Variants in SYT14 observed in about 807,000 individuals in gnomAD.
SYT14 encodes the protein synaptotagmin-14.
In SYT14, 32 loss-of-function variants were observed where a neutral mutation model predicts 74.2. The ratio of observed to expected loss-of-function variants is 0.43; its 90% CI spans 0.33 to 0.58. The LOEUF is 0.58. SYT14 is among the 20% of genes least tolerant of loss of function. The pLI is 0.05. For synonymous variants in SYT14, 298 were observed against 337.7 expected, an observed-to-expected ratio of 0.88 and a Z score of 1.29; for missense variants, 791 against 981.8, an observed-to-expected ratio of 0.81 and a Z score of 2.60.
At chr1:209,951,286 C>T (rs1572057117) in intron 1 of SYT14, among the ~76,000 whole-genome samples, 2 of 152,262 alleles carry the variant, frequency 1.3e-5, no homozygotes, top group South Asian at 2.1e-4. Flanking sequence ...CTGCCCCTCT[C>T]CATTCCCTTC....
chr1:209,967,675 T>C (rs2079176541), intron 2 of SYT14, among the ~76,000 whole-genome samples: 1 of 152,136 alleles, frequency 6.6e-6, no homozygotes, highest in African/African-American at 2.4e-5. Context: ...TTTCTGATAT[T>C]GATAATTTCT....
intron 1 of SYT14, 124 bp downstream of exon 1, chr1:209,938,401 A>C (rs2078669825): frequency 2.8e-4 from 248 of 899,196 alleles, no homozygotes; most frequent in Non-Finnish European, 3.3e-4. Flanking sequence ...CCGGCTGAAG[A>C]CGCGCGGGGG....
chr1:210,045,997 T>A (rs1237160685), intron 5 of SYT14, among the ~76,000 whole-genome samples: 1 of 152,228 alleles, frequency 6.6e-6, no homozygotes, highest in Non-Finnish European at 1.5e-5. Context: ...AATTACTTTA[T>A]CTTAATAATT....
intron 1 of SYT14, among the ~76,000 whole-genome samples, chr1:209,945,177 A>C (rs181718623): frequency 6.6e-6 from 1 of 152,150 alleles, no homozygotes. Context: ...ACAAGATGAA[A>C]GCTATTTTCT....
intron 5 of SYT14, among the ~76,000 whole-genome samples, chr1:210,076,625 G>C (rs566281568): frequency 1.3e-5 from 2 of 152,304 alleles, no homozygotes; most frequent in South Asian, 4.1e-4. Context: ...TCATGGTTCT[G>C]TACAGGAAGT....
chr1:209,970,328 C>T (rs1265338606), intron 2 of SYT14, among the ~76,000 whole-genome samples: 2 of 152,024 alleles, frequency 1.3e-5, no homozygotes, highest in Non-Finnish European at 2.9e-5. Flanking sequence ...GTCCTTTCCC[C>T]AGTGTATGTT....
chr1:209,988,626 C>A (rs1241123006), intron 2 of SYT14, among the ~76,000 whole-genome samples: 1 of 152,124 alleles, frequency 6.6e-6, no homozygotes, highest in African/African-American at 2.4e-5. Flanking sequence ...TTAGGAGGGG[C>A]AAAACCTGCA....
chr1:210,055,776 A>T (rs1280054894), intron 5 of SYT14, among the ~76,000 whole-genome samples: 1 of 151,992 alleles, frequency 6.6e-6, no homozygotes, highest in Non-Finnish European at 1.5e-5. Flanking sequence ...CTGAACTCGA[A>T]ATTAAAAAAA....
chr1:210,085,787 T>C (rs1218549124), intron 5 of SYT14, among the ~76,000 whole-genome samples: 1 of 152,202 alleles, frequency 6.6e-6, no homozygotes, highest in Non-Finnish European at 1.5e-5. Flanking sequence ...TTAGATTTGC[T>C]AAAATTTTGT....
At chr1:210,011,295 T>C (rs1448818091) in intron 2 of SYT14, among the ~76,000 whole-genome samples, 1 of 152,202 alleles carries the variant, frequency 6.6e-6, no homozygotes, top group Non-Finnish European at 1.5e-5. Flanking sequence ...ACTCCATATC[T>C]CAGGCTTGAT....
chr1:210,138,886 CATAAA>C (rs1355179287), intron 7 of SYT14, among the ~76,000 whole-genome samples: 1 of 152,016 alleles, frequency 6.6e-6, no homozygotes, highest in Non-Finnish European at 1.5e-5. Flanking sequence ...TGATTTTATA[CATAAA>C]ATAAAACACA....
At chr1:210,087,381 C>T (rs1245652670) in intron 5 of SYT14, among the ~76,000 whole-genome samples, 1 of 152,174 alleles carries the variant, frequency 6.6e-6, no homozygotes, top group Non-Finnish European at 1.5e-5. Flanking sequence ...ATTTTCATAG[C>T]CCACCCCAGT....
intron 2 of SYT14, among the ~76,000 whole-genome samples, chr1:209,958,066 GTTA>G (rs541637049): frequency 9.3e-4 from 141 of 151,796 alleles, no homozygotes; most frequent in Admixed American, 2.5e-3. Flanking sequence ...TCATATTTAT[GTTA>G]TTAATCCATC....
intron 2 of SYT14, among the ~76,000 whole-genome samples, chr1:209,996,924 G>A (rs2079808481): frequency 2.6e-5 from 4 of 151,950 alleles, no homozygotes; most frequent in Admixed American, 2.6e-4. Context: ...ATCCCTTCAT[G>A]ACAAAAACCC....
intron 7 of SYT14, among the ~76,000 whole-genome samples, chr1:210,112,060 A>G (rs1301131371): frequency 6.6e-6 from 1 of 151,328 alleles, no homozygotes; most frequent in East Asian, 1.9e-4. Flanking sequence ...CAGACTGTAC[A>G]GAGGTGGGAA....
chr1:209,973,641 T>C (rs1456955400), intron 2 of SYT14, among the ~76,000 whole-genome samples: 2 of 152,212 alleles, frequency 1.3e-5, no homozygotes, highest in African/African-American at 4.8e-5. Context: ...TCCAAGTCTT[T>C]GCTATTGTGA....
chr1:210,145,530 A>G (rs1228759536), intron 7 of SYT14, among the ~76,000 whole-genome samples: 1 of 152,244 alleles, frequency 6.6e-6, no homozygotes, highest in Non-Finnish European at 1.5e-5. Context: ...AAAGATGAAT[A>G]AAACAAAAGT....
chr1:210,161,774 C>T (rs2083377393), exon 10 of SYT14: 1 of 453,784 alleles, frequency 2.2e-6, no homozygotes, highest in African/African-American at 2.0e-5. Flanking sequence ...GTCTTCTAGA[C>T]AGGTTGTACT....
chr1:209,964,239 A>G (rs1049141731), intron 2 of SYT14, among the ~76,000 whole-genome samples: 6 of 152,128 alleles, frequency 3.9e-5, no homozygotes, highest in Non-Finnish European at 7.4e-5. Flanking sequence ...GCCGCTGTGT[A>G]AGATGTGCCT....
Sources: gnomAD v4.1 joint callset for allele counts (sites outside exome capture counted in the v4.1 genomes callset) on GRCh38, gnomAD v4.1.1 for gene constraint, MANE v1.5 for transcripts, NCBI Gene and HGNC (gene_info 2026-07-23, HGNC 2026-07-21) for gene names.